Variants in MARCHF3 observed in about 807,000 individuals in gnomAD.
MARCHF3 encodes membrane associated ring-CH-type finger 3, also known as E3 ubiquitin-protein ligase MARCHF3.
In MARCHF3, 13 loss-of-function variants were observed where a neutral mutation model predicts 24.2. The observed-to-expected ratio is 0.54, with a 90% CI of 0.35 to 0.85. The LOEUF is 0.85. MARCHF3 is among the 40% of genes least tolerant of loss of function. The probability of loss-of-function intolerance (pLI) is 0.01; values close to 1 mark genes in which losing one functional copy is unlikely to be tolerated. For synonymous variants in MARCHF3, 144 were observed against 137.3 expected (o/e 1.05, Z -0.34); for missense variants, 276 against 325.0 (o/e 0.85, Z 1.16).
At chr5:126,944,952 A>T (rs1251666167) in intron 1 of MARCHF3, among the ~76,000 whole-genome samples, 1 of 152,220 alleles carries the variant, frequency 6.6e-6, no homozygotes, top group East Asian at 1.9e-4. Context: ...CTTAAAAAGC[A>T]ATACATTTAC....
intron 1 of MARCHF3, among the ~76,000 whole-genome samples, chr5:126,941,670 C>T (rs1749835589): frequency 6.6e-6 from 1 of 152,112 alleles, no homozygotes; most frequent in Admixed American, 6.5e-5. Context: ...GGGTCTGACC[C>T]CAGGAAAGCA....
At chr5:126,871,045 T>C (rs1306570267) in intron 4 of MARCHF3, among the ~76,000 whole-genome samples, 1 of 152,176 alleles carries the variant, frequency 6.6e-6, no homozygotes, top group Non-Finnish European at 1.5e-5. Context: ...TCATACCGGG[T>C]AAATTCAGGA....
At chr5:126,930,800 G>A (rs1041907474) in intron 1 of MARCHF3, among the ~76,000 whole-genome samples, 3 of 152,206 alleles carry the variant, frequency 2.0e-5, no homozygotes, top group Admixed American at 6.5e-5. Flanking sequence ...CTTTAACAGT[G>A]GCTGACAAGT....
intron 2 of MARCHF3, among the ~76,000 whole-genome samples, chr5:126,915,604 T>C (rs1256781247): frequency 6.6e-6 from 1 of 152,174 alleles, no homozygotes; most frequent in African/African-American, 2.4e-5. Flanking sequence ...GGAGGGAAGT[T>C]AGCCAGCAAC....
intron 3 of MARCHF3, among the ~76,000 whole-genome samples, chr5:126,891,107 T>A (rs1431129202): frequency 1.3e-5 from 2 of 150,492 alleles, no homozygotes; most frequent in Non-Finnish European, 3.0e-5. Context: ...TGTCTGTTCA[T>A]GTCCTTCGCC....
chr5:126,950,322 C>T (rs77706779), intron 1 of MARCHF3, among the ~76,000 whole-genome samples: 6,756 of 152,282 alleles, frequency 0.044, 158 homozygotes, highest in Non-Finnish European at 0.054. Context: ...CTTAATGCTG[C>T]CCAGCAATCA....
At chr5:126,931,570 T>TACACACAC (rs57567399) in intron 1 of MARCHF3, among the ~76,000 whole-genome samples, 190 of 142,890 alleles carry the variant, frequency 1.3e-3, no homozygotes, top group South Asian at 4.9e-3. Flanking sequence ...CATACATGAA[T>TACACACAC]ACACACACAC....
Position 126,869,840 on chromosome 5 carries a change from GTA to G in MARCHF3, c.*791_*792del, listed in dbSNP as rs1348344996. ...CACAGGTTTTATCATTAAAAAAAGA[GTA>G]TTGCAATCAGTGGGTTTTGTCTTTC... On this transcript the variant is annotated 3_prime_UTR_variant, in exon 5 of 5. Coordinates refer to ENST00000308660, the MANE Select transcript of MARCHF3 (RefSeq NM_178450.5). The G allele has an allele frequency of 2.0e-5, 3 of 152,298 alleles. No individual in the cohort carries two copies. Among genetic ancestry groups the G allele is most frequent in the African/African-American group, 7.3e-5 (3 of 41,318 alleles). 9.4% of individuals were successfully genotyped at this position (152,298 alleles called of 1,614,324 possible). A position where few individuals can be genotyped will look rare whatever the true frequency, so the allele number is the denominator to read the frequency against.
At chr5:126,947,358 C>T (rs1292976089) in intron 1 of MARCHF3, among the ~76,000 whole-genome samples, 2 of 152,196 alleles carry the variant, frequency 1.3e-5, no homozygotes, top group African/African-American at 4.8e-5. Context: ...CTCTTAAACC[C>T]TTGATTCCAC....
Position 126,869,029 on chromosome 5 carries a change from A to C in MARCHF3, c.*1604T>G, listed in dbSNP as rs1291182160. 8 of 152,190 alleles carry C rather than the reference A, an allele frequency of 5.3e-5. No homozygotes were observed. The highest frequency in any genetic ancestry group is 4.4e-5 in the Non-Finnish European group (3 of 68,068). 9.4% of individuals were successfully genotyped at this position (152,190 alleles called of 1,614,324 possible). A position where few individuals can be genotyped will look rare whatever the true frequency, so the allele number is the denominator to read the frequency against. On this transcript the variant is annotated 3_prime_UTR_variant, in exon 5 of 5. Coordinates refer to ENST00000308660, the MANE Select transcript of MARCHF3 (RefSeq NM_178450.5). Reference sequence around the variant, plus strand: ...TGTCACAAGCCATAAAGCACATCTGAGTTTTGCAGCGGAGAGCAGTACAGC... The same window carrying C: ...TGTCACAAGCCATAAAGCACATCTGCGTTTTGCAGCGGAGAGCAGTACAGC...
In MARCHF3 at chr5:127,021,154, A is replaced by C. The variant is rs541686722; in HGVS notation, c.-57+9196T>G. On this transcript the variant is annotated intron_variant, in intron 1 of 4. Coordinates refer to ENST00000308660, the MANE Select transcript of MARCHF3 (RefSeq NM_178450.5). ...TTTTTCAGCCATGTAGAGTTTTAAA[A>C]AGTGAAAATATTAGGGACCAGAAAA... Among the ~76,000 whole-genome samples, 3 of 152,190 alleles carry C rather than the reference A, an allele frequency of 2.0e-5. No homozygotes were observed. In the South Asian group the frequency reaches 6.2e-4, roughly 31 times the overall value.
chr5:126,913,255 G>C (rs56063325), intron 3 of MARCHF3, among the ~76,000 whole-genome samples: 5 of 152,192 alleles, frequency 3.3e-5, no homozygotes, highest in Non-Finnish European at 7.3e-5. Flanking sequence ...CTGGGGAAAC[G>C]CTAGTTAAAA....
intron 1 of MARCHF3, among the ~76,000 whole-genome samples, chr5:127,012,745 A>ATACT (rs1481497474): frequency 6.6e-6 from 1 of 152,244 alleles, no homozygotes. Flanking sequence ...GTACCTCAGT[A>ATACT]AAGTTGATTT....
rs902481297 is a variant in MARCHF3, at chr5:126,908,599, C to T, written c.393+6331G>A. On this transcript the variant is annotated intron_variant, in intron 3 of 4. Transcript: ENST00000308660. ...TCTTCCATCAATGGTATCCTTTCTT[C>T]CAGTTGATCGCATCGGCTCCTGAGG... is the stretch of plus-strand genomic sequence containing the variant. 4.6e-5 allele frequency among the ~76,000 whole-genome samples: 7 copies of T among 152,214 alleles called. No homozygotes were observed. In the East Asian group the frequency reaches 1.4e-3, roughly 29 times the overall value.
chr5:127,023,478 C>G (rs1049112977), intron 1 of MARCHF3, among the ~76,000 whole-genome samples: 2 of 152,014 alleles, frequency 1.3e-5, no homozygotes, highest in African/African-American at 2.4e-5. Context: ...CACCTGTAAC[C>G]CCAGCACTTT....
chr5:126,873,191 T>C (rs1456603064), intron 4 of MARCHF3, among the ~76,000 whole-genome samples: 1 of 152,166 alleles, frequency 6.6e-6, no homozygotes, highest in African/African-American at 2.4e-5. Context: ...CTGCATCCTC[T>C]ACTTAGTGGT....
chr5:126,945,619 G>C (rs1749984472), intron 1 of MARCHF3, among the ~76,000 whole-genome samples: 1 of 152,176 alleles, frequency 6.6e-6, no homozygotes, highest in Non-Finnish European at 1.5e-5. Context: ...AAGCTAGAGA[G>C]GTAAGAGATT....
At chr5:126,895,829 G>T (rs928665337) in intron 3 of MARCHF3, among the ~76,000 whole-genome samples, 2 of 152,168 alleles carry the variant, frequency 1.3e-5, no homozygotes, top group African/African-American at 4.8e-5. Flanking sequence ...CTGAGCTGTG[G>T]TGGGCTCCAC....
At chr5:126,924,442 C>T (rs894660012) in intron 1 of MARCHF3, among the ~76,000 whole-genome samples, 1 of 152,190 alleles carries the variant, frequency 6.6e-6, no homozygotes, top group African/African-American at 2.4e-5. Flanking sequence ...TGTCCAGGAA[C>T]TTTCCTCTCT....
Sources: gnomAD v4.1 joint callset for allele counts (sites outside exome capture counted in the v4.1 genomes callset) on GRCh38, gnomAD v4.1.1 for gene constraint, MANE v1.5 for transcripts, NCBI Gene and HGNC (gene_info 2026-07-23, HGNC 2026-07-21) for gene names.